The following FBXL13 variants were observed in gnomAD, a reference collection of about 807,000 sequenced individuals.
The protein encoded by FBXL13 is F-box and leucine rich repeat protein 13.
In FBXL13, 67 loss-of-function variants were observed where a neutral mutation model predicts 83.6. The ratio of observed to expected loss-of-function variants is 0.80; its 90% confidence interval spans 0.66 to 0.98. The LOEUF (loss-of-function observed/expected upper bound fraction) is 0.98, where lower values mean the gene tolerates loss of function less well. Ranked by LOEUF, FBXL13 falls within the 50% of genes least tolerant of loss-of-function variation. FBXL13 has a pLI of 0.00. For missense variants in FBXL13, 822 were observed against 866.5 expected, an observed-to-expected ratio of 0.95 and a Z score of 0.64; for synonymous variants, 272 against 299.5, an observed-to-expected ratio of 0.91 and a Z score of 0.95.
At chr7:102,813,595 C>T in intron 19 of FBXL13, 64 bp from the exon 21 acceptor site, 1 of 1,539,476 alleles carries the variant, frequency 6.5e-7, no homozygotes, top group Non-Finnish European at 8.8e-7. Context: ...AATTTTCAAA[C>T]TCAACCAAAT....
At chr7:102,918,589 G>C (rs1816366063) in intron 10 of FBXL13, among the ~76,000 whole-genome samples, 1 of 152,208 alleles carries the variant, frequency 6.6e-6, no homozygotes, top group South Asian at 2.1e-4. Flanking sequence ...GCTGAAGCAA[G>C]AGGATTGCCT....
intron 6 of FBXL13, among the ~76,000 whole-genome samples, chr7:103,020,943 A>G (rs1280336935): frequency 1.3e-5 from 2 of 152,200 alleles, no homozygotes; most frequent in African/African-American, 2.4e-5. Flanking sequence ...TATCCCCATC[A>G]AGCTACCACT....
intron 18 of FBXL13, among the ~76,000 whole-genome samples, chr7:102,825,783 C>CTT (rs1300676460): frequency 6.6e-6 from 1 of 152,174 alleles, no homozygotes; most frequent in Non-Finnish European, 1.5e-5. Context: ...GGATTTCTTT[C>CTT]TTATGTTGGA....
At chr7:102,910,705 G>A (rs565928340) in intron 11 of FBXL13, among the ~76,000 whole-genome samples, 55 of 152,136 alleles carry the variant, frequency 3.6e-4, no homozygotes, top group Non-Finnish European at 6.9e-4. Flanking sequence ...CACCCATAAG[G>A]GTGACAGCCA....
At chr7:103,042,457 GA>G (rs1795824912) in intron 2 of FBXL13, among the ~76,000 whole-genome samples, 1 of 152,082 alleles carries the variant, frequency 6.6e-6, no homozygotes, top group South Asian at 2.1e-4. Flanking sequence ...TTTCTTCACA[GA>G]ATTGGAAAAA....
chr7:103,018,867 A>C (rs1379317658), intron 6 of FBXL13, among the ~76,000 whole-genome samples: 2 of 152,090 alleles, frequency 1.3e-5, no homozygotes, highest in African/African-American at 4.8e-5. Flanking sequence ...ACTCCCACAC[A>C]ATAATAATGG....
chr7:102,950,108 AAAAAACAAAAAC>A (rs1336410236), intron 8 of FBXL13, among the ~76,000 whole-genome samples: 2 of 152,212 alleles, frequency 1.3e-5, no homozygotes, highest in South Asian at 4.1e-4. Context: ...CTGTCTCAAA[AAAAAACAAAAAC>A]AAAAACAGAA....
intron 8 of FBXL13, chr7:102,939,325 C>A: frequency 1.1e-6 from 1 of 936,370 alleles, no homozygotes; most frequent in Non-Finnish European, 1.6e-6. Context: ...TATCCCTTTA[C>A]CCCTTCTCTT....
intron 6 of FBXL13, among the ~76,000 whole-genome samples, chr7:102,993,582 T>C (rs1313506412): frequency 3.3e-5 from 5 of 152,190 alleles, no homozygotes; most frequent in Non-Finnish European, 2.9e-5. Context: ...TCTGTGTTGC[T>C]TGCCAAACTA....
intron 1 of FBXL13, among the ~76,000 whole-genome samples, chr7:103,069,817 G>A (rs1240102085): frequency 1.2e-4 from 19 of 152,200 alleles, no homozygotes; most frequent in Admixed American, 1.3e-4. Context: ...GGTGGCCCAC[G>A]CCTGTAATCC....
At chr7:102,944,049 T>G (rs954968057) in intron 8 of FBXL13, among the ~76,000 whole-genome samples, 1 of 152,196 alleles carries the variant, frequency 6.6e-6, no homozygotes, top group Non-Finnish European at 1.5e-5. Flanking sequence ...AGTTAAAAGT[T>G]TTCTAAAGTA....
In FBXL13 at chr7:102,996,058, G is replaced by C. The variant is rs143901103; in HGVS notation, c.496-27941C>G. ...TTAAAGATCAAAGGCCAAGAGGGCT[G>C]AAATTGCTCAAGGTCATATTGCTAG... On this transcript the variant is annotated intron_variant, in intron 6 of 19. Coordinates refer to ENST00000313221, the Ensembl canonical transcript of FBXL13. Among the ~76,000 whole-genome samples the C allele has an allele frequency of 4.9e-3, 748 of 152,304 alleles. 9 individuals carry two copies. Among genetic ancestry groups the C allele is most frequent in the African/African-American group, 0.017 (692 of 41,558 alleles).
In FBXL13 at chr7:103,025,247, T is replaced by C; in HGVS notation, c.328-17A>G. 6.6e-7 allele frequency: 1 copy of C among 1,525,860 alleles called. No homozygotes were observed. The allele number at this position is 1,525,860 out of a possible 1,614,324, so 94.5% of individuals were successfully genotyped here. On this transcript the variant is annotated splice_polypyrimidine_tract_variant and intron_variant, in intron 5 of 19. Coordinates refer to ENST00000313221, the Ensembl canonical transcript of FBXL13. ...TTTTAATATCTGCAATGAAAATAAT[T>C]TTAAAATTCCATGGAATTGCTGTAA...
chr7:102,945,390 C>T (rs946227403), intron 8 of FBXL13, among the ~76,000 whole-genome samples: 3 of 151,964 alleles, frequency 2.0e-5, no homozygotes, highest in South Asian at 4.2e-4. Flanking sequence ...TCCACCTGTC[C>T]GTGAGAAAGG....
At chr7:102,959,893 A>C (rs1271739309) in intron 8 of FBXL13, among the ~76,000 whole-genome samples, 1 of 152,144 alleles carries the variant, frequency 6.6e-6, no homozygotes, top group East Asian at 1.9e-4. Flanking sequence ...AATTTAGTGG[A>C]TCTATATGCA....
chr7:102,839,654 G>T (rs1802588418), intron 17 of FBXL13, among the ~76,000 whole-genome samples: 1 of 152,048 alleles, frequency 6.6e-6, no homozygotes, highest in Admixed American at 6.5e-5. Context: ...TCACCATGTT[G>T]GCAGCTGGTC....
intron 8 of FBXL13, chr7:102,934,619 G>C (rs762878029): frequency 5.6e-6 from 9 of 1,611,092 alleles, no homozygotes; most frequent in South Asian, 1.1e-5. Flanking sequence ...CATCAAGCCT[G>C]AGGTGGACTC....
At chr7:103,034,688 C>T (rs1422012007) in intron 2 of FBXL13, among the ~76,000 whole-genome samples, 1 of 152,216 alleles carries the variant, frequency 6.6e-6, no homozygotes, top group Non-Finnish European at 1.5e-5. Flanking sequence ...TAAAGTGCCG[C>T]CAAAGTGGGA....
chr7:102,867,668 C>CATATATATATATAT (rs200661242), intron 16 of FBXL13, among the ~76,000 whole-genome samples: 9 of 72,640 alleles, frequency 1.2e-4, no homozygotes, highest in African/African-American at 5.4e-4. Flanking sequence ...TAGACTTAGA[C>CATATATATATATAT]ATATATATAT....
Sources: allele counts gnomAD v4.1 joint callset (sites outside exome capture counted in the v4.1 genomes callset), GRCh38; gene constraint gnomAD v4.1.1; transcripts MANE v1.5; gene names NCBI Gene and HGNC (gene_info 2026-07-23, HGNC 2026-07-21).